Variants in PHEX observed in about 807,000 individuals in gnomAD.
PHEX encodes phosphate regulating endopeptidase X-linked.
A neutral mutation model predicts 68.0 loss-of-function variants in PHEX; 16 were observed. The ratio of observed to expected loss-of-function variants is 0.24; its 90% CI spans 0.16 to 0.36. The LOEUF (loss-of-function observed/expected upper bound fraction) is 0.36. Among genes scored for constraint, PHEX ranks in the 10% least tolerant of loss-of-function variants. The pLI is 1.00. For missense variants in PHEX, 480 were observed against 575.5 expected (o/e 0.83, Z 1.70); for synonymous variants, 208 against 205.1 (o/e 1.01, Z -0.12).
intron 3 of PHEX, among the ~76,000 whole-genome samples, chrX:22,056,191 A>G (rs1928097018): frequency 8.9e-6 from 1 of 112,107 alleles, no homozygotes; most frequent in Admixed American, 9.5e-5. Flanking sequence ...TCCTGGCACT[A>G]ATTGCTTTCA....
At chrX:22,224,017 G>T (rs1385603222) in intron 18 of PHEX, among the ~76,000 whole-genome samples, 2 of 112,241 alleles carry the variant, frequency 1.8e-5, no homozygotes, top group Non-Finnish European at 3.8e-5. Context: ...GCGTCTCGCT[G>T]AGTCACCCAG....
intron 5 of PHEX, among the ~76,000 whole-genome samples, chrX:22,078,276 A>G (rs1929248006): frequency 8.9e-6 from 1 of 112,158 alleles, no homozygotes; most frequent in African/African-American, 3.2e-5. Context: ...GGCCACATGG[A>G]CATACCCTGA....
Position 22,115,493 on chromosome X carries a change from A to G in PHEX, c.1302+907A>G, listed in dbSNP as rs188013687. The stretch of plus-strand genomic sequence containing the variant: ...ACTGTCTTAGCAAATTCAAGTATAC[A>G]ATACATTATTAGTAACTATAGTCAC... On this transcript the variant is annotated intron_variant, in intron 11 of 21. Coordinates refer to ENST00000379374, the MANE Select transcript of PHEX (RefSeq NM_000444.6). Among the ~76,000 whole-genome samples, 77 of 111,964 alleles carry G rather than the reference A, an allele frequency of 6.9e-4. 1 individual carries two copies. The East Asian group carries it at 0.017, about 24-fold the overall frequency.
chrX:22,088,480 AT>A (rs886868405), intron 5 of PHEX, among the ~76,000 whole-genome samples: 5 of 109,567 alleles, frequency 4.6e-5, no homozygotes, highest in Non-Finnish European at 9.5e-5. Context: ...CAGTTGTCAG[AT>A]TTTTTTTTCC....
chrX:22,097,470 G>GT (rs1047639972), intron 8 of PHEX, among the ~76,000 whole-genome samples: 55 of 111,969 alleles, frequency 4.9e-4, no homozygotes, highest in Non-Finnish European at 6.4e-4. Context: ...CAGGAAGAAG[G>GT]TGAAAGGGCC....
intron 13 of PHEX, among the ~76,000 whole-genome samples, chrX:22,175,806 A>G (rs1933677771): frequency 1.8e-5 from 2 of 111,930 alleles, no homozygotes; most frequent in African/African-American, 6.5e-5. Flanking sequence ...ATTTTTAAAA[A>G]GTTAATATTT....
Position 22,116,557 on chromosome X carries a change from T to C in PHEX, c.1302+1971T>C, listed in dbSNP as rs1469946683. 1.2e-4 allele frequency among the ~76,000 whole-genome samples: 13 copies of C among 111,582 alleles called. No individual in the cohort carries two copies. In the Admixed American group the frequency reaches 1.2e-3, roughly 11 times the overall value. Reference sequence around the variant, plus strand: ...GATTGTTCAAATGATTGGTATCACGTAGTGATACATAATAATACCAAATGG... The same window carrying C: ...GATTGTTCAAATGATTGGTATCACGCAGTGATACATAATAATACCAAATGG... On this transcript the variant is annotated intron_variant, in intron 11 of 21. Coordinates refer to ENST00000379374, the MANE Select transcript of PHEX (RefSeq NM_000444.6).
chrX:22,197,224 T>A lies in PHEX; in HGVS notation c.1645+6722T>A, dbSNP rs761977080. On this transcript the variant is annotated intron_variant, in intron 15 of 21. Coordinates refer to ENST00000379374, the MANE Select transcript of PHEX (RefSeq NM_000444.6). ...TGACACTCAGAGCAATTCTTAGTAA[T>A]TTTTTTTCCACTTATTCACTTGATT... is the stretch of plus-strand genomic sequence containing the variant. Among the ~76,000 whole-genome samples the A allele has an allele frequency of 1.4e-4, 15 of 110,766 alleles. No individual in the cohort carries two copies. In the East Asian group the frequency reaches 3.7e-3, roughly 27 times the overall value.
At chrX:22,057,248 T>A (rs1485532011) in intron 3 of PHEX, among the ~76,000 whole-genome samples, 1 of 111,682 alleles carries the variant, frequency 9.0e-6, no homozygotes, top group Non-Finnish European at 1.9e-5. Context: ...CAAGGTGAAA[T>A]ATCTGGGAAT....
At chrX:22,168,524 G>T (rs947586458) in intron 13 of PHEX, 135 bp downstream of exon 13, 6 of 499,222 alleles carry the variant, frequency 1.2e-5, no homozygotes, top group Non-Finnish European at 2.2e-5. Flanking sequence ...TCCTTGGCTA[G>T]ATATGAGCCT....
chrX:22,239,784 C>T lies in PHEX; in HGVS notation c.2071-5549C>T, dbSNP rs182956043. Among the ~76,000 whole-genome samples the T allele has an allele frequency of 1.1e-4, 12 of 111,369 alleles. No individual in the cohort carries two copies. The East Asian group carries it at 2.8e-3, about 26-fold the overall frequency. ...ATTTGATGGGTGTACCTGAAAGTGACGGGGAGAATGGAACCAAGTTGGAAA... is the reference window on the plus strand; with the variant it reads ...ATTTGATGGGTGTACCTGAAAGTGATGGGGAGAATGGAACCAAGTTGGAAA... On this transcript the variant is annotated intron_variant, in intron 20 of 21. Coordinates refer to ENST00000379374, the MANE Select transcript of PHEX (RefSeq NM_000444.6).
At position 22,049,227 on chromosome X, in the gene PHEX, C is replaced by T. The variant is rs572441744; in HGVS notation, c.349+2016C>T. On this transcript the variant is annotated intron_variant, in intron 3 of 21. Coordinates refer to ENST00000379374, the MANE Select transcript of PHEX (RefSeq NM_000444.6). ...GGGTTCAAACGAGCGATTCTCCTGC[C>T]TCAGCCTCCCGAGTAGCTGGGATTA... Among the ~76,000 whole-genome samples the T allele has an allele frequency of 2.2e-3, 247 of 111,463 alleles. 1 individual carries two copies. Among genetic ancestry groups the T allele is most frequent in the South Asian group, 0.014 (36 of 2,616 alleles).
At chrX:22,218,817 G>A (rs959357329) in intron 16 of PHEX, among the ~76,000 whole-genome samples, 3 of 112,076 alleles carry the variant, frequency 2.7e-5, no homozygotes, top group Non-Finnish European at 3.8e-5. Context: ...TTCATATGTG[G>A]TAATAATGAC....
At chrX:22,154,829 G>A (rs185067506) in intron 12 of PHEX, among the ~76,000 whole-genome samples, 64 of 112,267 alleles carry the variant, frequency 5.7e-4, no homozygotes, top group African/African-American at 2.0e-3. Flanking sequence ...GACGATGCCA[G>A]TGTCAAAGGA....
intron 20 of PHEX, among the ~76,000 whole-genome samples, chrX:22,236,290 T>C (rs770060306): frequency 3.6e-5 from 4 of 112,485 alleles, no homozygotes; most frequent in Non-Finnish European, 1.9e-5. Flanking sequence ...CCTTTTATCT[T>C]TCTTACTTTC....
At chrX:22,049,674 C>A (rs1467357192) in intron 3 of PHEX, among the ~76,000 whole-genome samples, 1 of 109,106 alleles carries the variant, frequency 9.2e-6, no homozygotes, top group Non-Finnish European at 1.9e-5. Flanking sequence ...GAGTTCAAGA[C>A]CAGCCTAACA....
chrX:22,175,324 TG>T lies in PHEX; in HGVS notation c.1483-2946del, dbSNP rs1329328332. On this transcript the variant is annotated intron_variant, in intron 13 of 21. Coordinates refer to ENST00000379374, the MANE Select transcript of PHEX (RefSeq NM_000444.6). ...TACTTATCTAATGTATTTTTAGACTTGGGACCCTTTTCTTCTTTACAACGTT... is the reference window on the plus strand; with the variant it reads ...TACTTATCTAATGTATTTTTAGACTTGGACCCTTTTCTTCTTTACAACGTT... 6.4e-5 allele frequency among the ~76,000 whole-genome samples: 7 copies of T among 110,053 alleles called. No homozygotes were observed. The East Asian group carries it at 2.0e-3, about 31-fold the overall frequency.
Position 22,133,643 on chromosome X carries a change from G to GAA in PHEX, c.1404+27_1404+28dup. 2 of 1,080,969 alleles carry GAA rather than the reference G, an allele frequency of 1.9e-6. No individual in the cohort carries two copies. The highest frequency in any genetic ancestry group is 2.5e-6 in the Non-Finnish European group (2 of 784,909). The allele number at this position is 1,080,969 out of a possible 1,213,427, so 89.1% of individuals were successfully genotyped here. Reference sequence around the variant, plus strand: ...AGAAAAGGTAAGGATTCCTTTTGATGAAAAAAAAATAAGACTTCTGGTTTA... The same window carrying GAA: ...AGAAAAGGTAAGGATTCCTTTTGATGAAAAAAAAAAATAAGACTTCTGGTTTA... On this transcript the variant is annotated intron_variant, in intron 12 of 21. Transcript: ENST00000379374.
intron 17 of PHEX, among the ~76,000 whole-genome samples, chrX:22,220,431 A>G (rs952056398): frequency 9.9e-5 from 11 of 111,126 alleles, no homozygotes; most frequent in Non-Finnish European, 1.7e-4. Context: ...GCTGACTTGT[A>G]GTTATCTGAC....
Sources: gnomAD v4.1 joint callset for allele counts (sites outside exome capture counted in the v4.1 genomes callset) on GRCh38, gnomAD v4.1.1 for gene constraint, MANE v1.5 for transcripts, NCBI Gene and HGNC (gene_info 2026-07-23, HGNC 2026-07-21) for gene names.